The following MYO9A variants were observed in gnomAD, a reference collection of about 807,000 sequenced individuals.
MYO9A encodes the protein myosin IXA, also known as unconventional myosin-IXa.
Under a neutral mutation model 293.3 loss-of-function variants are expected in MYO9A, and 103 were observed. The observed-to-expected ratio is 0.35, with a 90% CI of 0.30 to 0.41. The LOEUF (loss-of-function observed/expected upper bound fraction) is 0.41. MYO9A is among the 10% of genes least tolerant of loss of function. The pLI is 1.00. For synonymous variants in MYO9A, 1,001 were observed against 1,035.7 expected (o/e 0.97, Z 0.64); for missense variants, 2,685 against 3,033.0 (o/e 0.89, Z 2.69).
chr15:71,953,103 CTAT>C (rs2059091754), intron 14 of MYO9A, among the ~76,000 whole-genome samples: 1 of 152,056 alleles, frequency 6.6e-6, no homozygotes, highest in South Asian at 2.1e-4. Flanking sequence ...TAATAAAATA[CTAT>C]ATTATTTGTA....
At chr15:72,101,109 G>A (rs1454554905) in intron 1 of MYO9A, among the ~76,000 whole-genome samples, 1 of 144,034 alleles carries the variant, frequency 6.9e-6, no homozygotes, top group Non-Finnish European at 1.5e-5. Context: ...CCGTCCGGGA[G>A]GGAGGTCGGG....
In MYO9A at chr15:71,852,188, T is replaced by C. The variant is rs1387294615; in HGVS notation, c.6419A>G (p.Asp2140Gly). Residue 2140 changes from aspartate (D) to glycine (G), a missense_variant, in exon 36 of 42, where the codon GAT becomes GGT. Physicochemically the swap from Asp to Gly is moderately conservative, Grantham distance 94. Coordinates refer to ENST00000356056, the MANE Select transcript of MYO9A (RefSeq NM_006901.4). ...IASVFKQWLR[D>G]LPNPLMTFEL... Reference sequence around the variant, plus strand: ...AAAGGTCATGAGAGGATTGGGCAAATCTCGAAGCCATTGTTTGAATACACT... The same window carrying C: ...AAAGGTCATGAGAGGATTGGGCAAACCTCGAAGCCATTGTTTGAATACACT... 1.2e-6 allele frequency: 2 copies of C among 1,613,772 alleles called. No individual in the cohort carries two copies. The highest frequency in any genetic ancestry group is 3.3e-5 in the Admixed American group (2 of 60,022).
intron 10 of MYO9A, among the ~76,000 whole-genome samples, chr15:71,992,815 A>G (rs973763669): frequency 6.6e-6 from 1 of 151,500 alleles, no homozygotes; most frequent in Non-Finnish European, 1.5e-5. Flanking sequence ...TAATTATAAA[A>G]ATATAAGAAT....
intron 1 of MYO9A, among the ~76,000 whole-genome samples, chr15:72,080,829 C>A (rs2079522881): frequency 6.6e-6 from 1 of 151,936 alleles, no homozygotes; most frequent in Non-Finnish European, 1.5e-5. Context: ...TTTTCTGTTC[C>A]CATATTAGTT....
chr15:71,965,817 A>C (rs887113198), intron 13 of MYO9A, among the ~76,000 whole-genome samples: 5 of 152,122 alleles, frequency 3.3e-5, no homozygotes, highest in African/African-American at 1.2e-4. Flanking sequence ...CCCTTTTATC[A>C]TTATAAAATG....
chr15:71,942,534 T>G (rs2058805119), intron 15 of MYO9A, among the ~76,000 whole-genome samples: 1 of 152,028 alleles, frequency 6.6e-6, no homozygotes, highest in African/African-American at 2.4e-5. Context: ...ATTTTTTTAT[T>G]TACCTTAACT....
intron 15 of MYO9A, chr15:71,950,291 CAT>C (rs2059021329): frequency 6.6e-6 from 1 of 152,164 alleles, no homozygotes. Context: ...AGTGAACACA[CAT>C]AGACACACAA....
chr15:71,824,958 C>A lies in MYO9A; in HGVS notation c.*1622G>T, dbSNP rs1296268217. The A allele has an allele frequency of 6.6e-6, 1 of 151,532 alleles. No individual in the cohort carries two copies. Among genetic ancestry groups the A allele is most frequent in the African/African-American group, 2.4e-5 (1 of 41,318 alleles). 9.4% of individuals were successfully genotyped at this position (151,532 alleles called of 1,614,324 possible). A position where few individuals can be genotyped will look rare whatever the true frequency, so the allele number is the denominator to read the frequency against. ...CTTAACAAAAGACTTAATATTTCCA[C>A]AACTTCAAAGAAGTATGAAAAGGAA... On this transcript the variant is annotated 3_prime_UTR_variant, in exon 42 of 42. Transcript: ENST00000356056.
At chr15:72,087,444 G>C (rs548984841) in intron 1 of MYO9A, among the ~76,000 whole-genome samples, 2 of 152,286 alleles carry the variant, frequency 1.3e-5, no homozygotes, top group Admixed American at 1.3e-4. Flanking sequence ...CTGCCAACTC[G>C]AGTGTCCATG....
Position 71,901,077 on chromosome 15 carries a change from C to T in MYO9A, c.3150+114G>A, listed in dbSNP as rs1305765597. 18 of 1,172,328 alleles carry T rather than the reference C, an allele frequency of 1.5e-5. No individual in the cohort carries two copies. The East Asian group carries it at 4.5e-4, about 30-fold the overall frequency. 72.6% of individuals were successfully genotyped at this position (1,172,328 alleles called of 1,614,324 possible). A position where few individuals can be genotyped will look rare whatever the true frequency, so the allele number is the denominator to read the frequency against. The stretch of plus-strand genomic sequence containing the variant: ...TTCAAAATTGGGTACGACATATTCT[C>T]ATTTCTGAAGTTCACATTATTACTG... On this transcript the variant is annotated intron_variant, in intron 23 of 41. Transcript: ENST00000356056.
chr15:72,079,833 T>C (rs2079484902), intron 1 of MYO9A, among the ~76,000 whole-genome samples: 1 of 152,238 alleles, frequency 6.6e-6, no homozygotes, highest in South Asian at 2.1e-4. Flanking sequence ...TATAAATCTT[T>C]AAGACTAAAC....
chr15:71,828,225 C>CAGAT (rs1295534231), intron 40 of MYO9A, among the ~76,000 whole-genome samples, 199 bp from the exon 41 acceptor site: 5 of 152,116 alleles, frequency 3.3e-5, no homozygotes, highest in Non-Finnish European at 7.4e-5. Flanking sequence ...GACAAAATGA[C>CAGAT]AGATAGCCAA....
At chr15:72,052,285 T>C in intron 1 of MYO9A, among the ~76,000 whole-genome samples, 1 of 152,108 alleles carries the variant, frequency 6.6e-6, no homozygotes, top group Admixed American at 6.5e-5. Context: ...TGAACACTCA[T>C]CAGGACACCC....
At chr15:71,902,223 T>C (rs762707358) in intron 22 of MYO9A, among the ~76,000 whole-genome samples, 1 of 151,828 alleles carries the variant, frequency 6.6e-6, no homozygotes, top group Non-Finnish European at 1.5e-5. Context: ...AAAAAAGATA[T>C]TAAGTAATGT....
At position 71,897,882 on chromosome 15, in the gene MYO9A, A is replaced by C. The variant is rs201227667; in HGVS notation, c.4621T>G (p.Cys1541Gly). The part of the protein sequence containing the change: ...KTIEKPRIGE[C>G]LVAPSSYQSK... Reference sequence around the variant, plus strand: ...TGATAGGAAGATGGTGCCACCAAACACTCTCCAATTCTTGGCTTTTCAATT... The same window carrying C: ...TGATAGGAAGATGGTGCCACCAAACCCTCTCCAATTCTTGGCTTTTCAATT... The change falls in exon 25 of 42, where the codon TGT becomes GGT. Residue 1541 changes from cysteine to glycine, a missense_variant. Coordinates refer to ENST00000356056, the MANE Select transcript of MYO9A (RefSeq NM_006901.4). 6.2e-7 allele frequency: 1 copy of C among 1,613,790 alleles called. No homozygotes were observed. Among genetic ancestry groups the C allele is most frequent in the East Asian group, 2.2e-5 (1 of 44,852 alleles).
At chr15:71,929,612 A>G (rs2058421723) in intron 18 of MYO9A, among the ~76,000 whole-genome samples, 1 of 152,224 alleles carries the variant, frequency 6.6e-6, no homozygotes, top group African/African-American at 2.4e-5. Flanking sequence ...ATATTGAACC[A>G]TTCTTGTATC....
At chr15:72,004,018 T>C (rs1349045990) in intron 8 of MYO9A, among the ~76,000 whole-genome samples, 1 of 152,166 alleles carries the variant, frequency 6.6e-6, no homozygotes, top group Non-Finnish European at 1.5e-5. Flanking sequence ...AGATTGTACA[T>C]AGATCTACGC....
intron 13 of MYO9A, among the ~76,000 whole-genome samples, chr15:71,963,053 G>A (rs1206942699): frequency 6.6e-6 from 1 of 151,986 alleles, no homozygotes; most frequent in Non-Finnish European, 1.5e-5. Flanking sequence ...TTCAAGGGTG[G>A]GTTTAACAGT....
intron 19 of MYO9A, among the ~76,000 whole-genome samples, chr15:71,908,326 A>G (rs2057728665): frequency 6.6e-6 from 1 of 151,936 alleles, no homozygotes; most frequent in South Asian, 2.1e-4. Context: ...GTACCCGGCT[A>G]ATTTTTTTTT....
Sources: gnomAD v4.1 joint callset for allele counts (sites outside exome capture counted in the v4.1 genomes callset) on GRCh38, gnomAD v4.1.1 for gene constraint, MANE v1.5 for transcripts, NCBI Gene and HGNC (gene_info 2026-07-23, HGNC 2026-07-21) for gene names.